Variants in DOCK4 observed in about 807,000 individuals in gnomAD.
DOCK4 encodes the protein dedicator of cytokinesis protein 4.
A neutral mutation model predicts 268.1 loss-of-function variants in DOCK4; 97 were observed. That is an observed-to-expected ratio of 0.36 (90% CI 0.31 to 0.43). The LOEUF is 0.43. Ranked by LOEUF, DOCK4 falls within the 20% of genes least tolerant of loss-of-function variation. The pLI is 1.00. For missense variants in DOCK4, 2,145 were observed against 2,455.7 expected (o/e 0.87, Z 2.67); for synonymous variants, 954 against 887.2 (o/e 1.08, Z -1.34).
intron 19 of DOCK4, 63 bp from the exon 20 acceptor site, chr7:111,872,153 GCTT>G: frequency 7.4e-7 from 1 of 1,348,774 alleles, no homozygotes; most frequent in Non-Finnish European, 1.0e-6. Context: ...TTTTTTTTTT[GCTT>G]CTTTTTAAAA....
chr7:112,047,247 A>G (rs1179886495), intron 1 of DOCK4, among the ~76,000 whole-genome samples: 2 of 152,230 alleles, frequency 1.3e-5, no homozygotes, highest in Admixed American at 1.3e-4. Flanking sequence ...AGTTAACTTA[A>G]CTGCACCCCA....
chr7:111,765,232 A>G lies in DOCK4; in HGVS notation c.3916-10T>C. Reference sequence around the variant, plus strand: ...AAGAGGCTTCCATCATCTAGAAAGCACAGGAAACATTCTAAGCATTTTATC... The same window carrying G: ...AAGAGGCTTCCATCATCTAGAAAGCGCAGGAAACATTCTAAGCATTTTATC... On this transcript the variant is annotated splice_polypyrimidine_tract_variant and intron_variant, in intron 38 of 52. Transcript: ENST00000428084. 6.9e-7 allele frequency: 1 copy of G among 1,457,658 alleles called. No homozygotes were observed. Among genetic ancestry groups the G allele is most frequent in the Non-Finnish European group, 9.3e-7 (1 of 1,075,568 alleles). The allele number at this position is 1,457,658 out of a possible 1,614,324, so 90.3% of individuals were successfully genotyped here.
intron 38 of DOCK4, among the ~76,000 whole-genome samples, chr7:111,765,474 G>A (rs1043498399): frequency 1.3e-5 from 2 of 152,152 alleles, no homozygotes; most frequent in Non-Finnish European, 2.9e-5. Context: ...TAGGCCCACA[G>A]GCTGTAGTTT....
chr7:112,070,390 T>C (rs1807477016), intron 1 of DOCK4, among the ~76,000 whole-genome samples: 1 of 152,136 alleles, frequency 6.6e-6, no homozygotes. Context: ...TATATTAGGT[T>C]AGTGCAAAAG....
At chr7:111,834,947 C>T (rs1486895801) in intron 25 of DOCK4, among the ~76,000 whole-genome samples, 3 of 151,806 alleles carry the variant, frequency 2.0e-5, no homozygotes, top group South Asian at 2.1e-4. Context: ...TGAGTGGAAG[C>T]TTTTCACTTG....
Position 111,784,962 on chromosome 7 carries a change from C to T in DOCK4, c.3402-839G>A, listed in dbSNP as rs912598956. The stretch of plus-strand genomic sequence containing the variant: ...AAGCATATCATATATGTACTTAGTT[C>T]AAAAATAAACATTCAAGAAGAAAGC... On this transcript the variant is annotated intron_variant, in intron 32 of 52. Coordinates refer to ENST00000428084, the MANE Select transcript of DOCK4 (RefSeq NM_001363540.2). 2.6e-5 allele frequency among the ~76,000 whole-genome samples: 4 copies of T among 152,120 alleles called. No individual in the cohort carries two copies. The East Asian group carries it at 7.7e-4, about 29-fold the overall frequency.
chr7:112,042,011 G>C (rs189467948), intron 1 of DOCK4, among the ~76,000 whole-genome samples: 1 of 152,174 alleles, frequency 6.6e-6, no homozygotes, highest in Non-Finnish European at 1.5e-5. Context: ...TGTAGTCCTA[G>C]CTACTCAGGA....
chr7:112,055,651 T>C (rs896643799), intron 1 of DOCK4, among the ~76,000 whole-genome samples: 10 of 152,170 alleles, frequency 6.6e-5, no homozygotes, highest in African/African-American at 2.4e-4. Context: ...CTCACGCCTA[T>C]AATCCCAGCA....
In DOCK4 at chr7:111,741,124, T is replaced by C; in HGVS notation, c.5010A>G (p.Ser1670=). The C allele has an allele frequency of 6.2e-7, 1 of 1,614,004 alleles. No homozygotes were observed. The highest frequency in any genetic ancestry group is 8.5e-7 in the Non-Finnish European group (1 of 1,179,884). Residue 1670 remains serine (S), a synonymous_variant, in exon 47 of 53, where the codon TCA becomes TCG. Coordinates refer to ENST00000428084, the MANE Select transcript of DOCK4 (RefSeq NM_001363540.2). The stretch of plus-strand genomic sequence containing the variant: ...TGTTAAAGACTTCATCAGAGCTTTC[T>C]GATTGCCCTGTAATATTGCTTACTT... ...SAEVSNITGQ[S]ESSDEVFNMQ... is the part of the protein sequence containing the mutation.
intron 52 of DOCK4, among the ~76,000 whole-genome samples, chr7:111,731,957 T>C (rs1237077648): frequency 1.3e-5 from 2 of 152,204 alleles, no homozygotes; most frequent in African/African-American, 4.8e-5. Flanking sequence ...TAATTCAGTA[T>C]ATGCACTGAC....
chr7:111,903,729 G>T (rs974134728), intron 13 of DOCK4, among the ~76,000 whole-genome samples: 2 of 152,154 alleles, frequency 1.3e-5, no homozygotes, highest in African/African-American at 4.8e-5. Flanking sequence ...CAAGAGGTTT[G>T]GGAGGAAATT....
At chr7:112,027,414 A>G (rs1634537) in intron 1 of DOCK4, among the ~76,000 whole-genome samples, 3 of 152,182 alleles carry the variant, frequency 2.0e-5, no homozygotes, top group African/African-American at 7.2e-5. Context: ...TAGTAGAGAC[A>G]GGGTTTCACC....
At chr7:111,729,890 T>G (rs1010501310) in intron 52 of DOCK4, among the ~76,000 whole-genome samples, 2 of 152,258 alleles carry the variant, frequency 1.3e-5, no homozygotes, top group African/African-American at 2.4e-5. Context: ...AGCTGTTTCC[T>G]CAGCAGTTTT....
chr7:112,143,244 G>A (rs1299094986), intron 1 of DOCK4, among the ~76,000 whole-genome samples: 1 of 151,922 alleles, frequency 6.6e-6, no homozygotes, highest in Non-Finnish European at 1.5e-5. Flanking sequence ...AGACACAGAC[G>A]AGACCTCCAC....
chr7:111,983,188 G>GA, intron 7 of DOCK4, among the ~76,000 whole-genome samples: 1 of 152,288 alleles, frequency 6.6e-6, no homozygotes, highest in African/African-American at 2.4e-5. Flanking sequence ...GATGATCATG[G>GA]AAAAATCTGG....
intron 1 of DOCK4, among the ~76,000 whole-genome samples, chr7:112,026,406 A>G (rs190700575): frequency 1.3e-4 from 19 of 151,992 alleles, no homozygotes; most frequent in Non-Finnish European, 2.6e-4. Context: ...CATCCCCCCC[A>G]CTCACCCTTG....
chr7:111,764,943 G>A (rs548239211), intron 39 of DOCK4, among the ~76,000 whole-genome samples, 175 bp downstream of exon 39: 3 of 150,614 alleles, frequency 2.0e-5, no homozygotes, highest in East Asian at 3.9e-4. Context: ...TTGCTATCTC[G>A]GAAATTATTT....
At chr7:111,878,751 G>T (rs994065153) in intron 16 of DOCK4, among the ~76,000 whole-genome samples, 2 of 152,152 alleles carry the variant, frequency 1.3e-5, no homozygotes, top group African/African-American at 4.8e-5. Context: ...GCTCACAGTG[G>T]CCATGCAAGG....
At chr7:112,104,310 C>A (rs564562972) in intron 1 of DOCK4, among the ~76,000 whole-genome samples, 56 of 152,154 alleles carry the variant, frequency 3.7e-4, no homozygotes, top group Non-Finnish European at 5.7e-4. Flanking sequence ...TACCATTCAG[C>A]AATTATTACT....
Sources: gnomAD v4.1 joint callset for allele counts (sites outside exome capture counted in the v4.1 genomes callset) on GRCh38, gnomAD v4.1.1 for gene constraint, MANE v1.5 for transcripts, NCBI Gene and HGNC (gene_info 2026-07-23, HGNC 2026-07-21) for gene names.